CECR2: variants seen among roughly 807,000 people sequenced by gnomAD.
CECR2 encodes the protein CECR2 histone acetyl-lysine reader, also known as chromatin remodeling regulator CECR2.
In CECR2, 30 loss-of-function variants were observed where a neutral mutation model predicts 154.5. The ratio of observed to expected loss-of-function variants is 0.19; its 90% CI spans 0.15 to 0.26. The LOEUF (loss-of-function observed/expected upper bound fraction) is 0.26. Among genes scored for constraint, CECR2 ranks in the 10% least tolerant of loss-of-function variants. The pLI, the probability that CECR2 is intolerant of heterozygous loss-of-function variation, is 1.00. For synonymous variants in CECR2, 725 were observed against 683.7 expected, an observed-to-expected ratio of 1.06 and a Z score of -0.94; for missense variants, 1,743 against 1,829.3, an observed-to-expected ratio of 0.95 and a Z score of 0.86.
At chr22:17,543,453 T>A (rs1372865728) in intron 16 of CECR2, among the ~76,000 whole-genome samples, 1 of 152,026 alleles carries the variant, frequency 6.6e-6, no homozygotes, top group Non-Finnish European at 1.5e-5. Context: ...TTCTTGAACT[T>A]CTCAGATTTG....
At chr22:17,422,969 C>T (rs1322216501) in intron 1 of CECR2, among the ~76,000 whole-genome samples, 2 of 152,170 alleles carry the variant, frequency 1.3e-5, no homozygotes, top group African/African-American at 2.4e-5. Context: ...TTTCAATTTC[C>T]TGCCTCATAA....
intron 1 of CECR2, among the ~76,000 whole-genome samples, chr22:17,429,215 G>A (rs1242996224): frequency 6.6e-6 from 1 of 152,110 alleles, no homozygotes; most frequent in Middle Eastern, 3.4e-3. Context: ...ACAGTGATTG[G>A]TACAAAGAAG....
At chr22:17,508,673 C>T (rs1023227244) in intron 7 of CECR2, among the ~76,000 whole-genome samples, 5 of 152,068 alleles carry the variant, frequency 3.3e-5, no homozygotes, top group Admixed American at 6.6e-5. Flanking sequence ...CTAGGACCCT[C>T]AGGCTGTACC....
chr22:17,457,056 C>T lies in CECR2; in HGVS notation c.127-20532C>T, dbSNP rs575675682. Among the ~76,000 whole-genome samples the T allele has an allele frequency of 1.5e-3, 224 of 152,332 alleles. 1 individual carries two copies. The Middle Eastern group carries it at 0.02, about 14-fold the overall frequency. On this transcript the variant is annotated intron_variant, in intron 1 of 18. Coordinates refer to ENST00000262608, the MANE Select transcript of CECR2 (RefSeq NM_001290047.2). ...TTTGTTTGTTTGAGACAGAATTTCT[C>T]GCTCTTGTTGCCCAGGCTGGAGTGC...
At chr22:17,414,979 G>C in intron 1 of CECR2, among the ~76,000 whole-genome samples, 1 of 152,156 alleles carries the variant, frequency 6.6e-6, no homozygotes, top group East Asian at 1.9e-4. Flanking sequence ...ATCAATTTTA[G>C]ACAGTGTAAA....
At chr22:17,551,138 A>T (rs2056702150) in intron 17 of CECR2, among the ~76,000 whole-genome samples, 1 of 152,200 alleles carries the variant, frequency 6.6e-6, no homozygotes, top group Admixed American at 6.5e-5. Context: ...GTTGGAAAGT[A>T]AATTGTAGAC....
intron 1 of CECR2, among the ~76,000 whole-genome samples, chr22:17,401,594 C>T (rs762459375): frequency 4.6e-5 from 7 of 151,968 alleles, no homozygotes; most frequent in African/African-American, 1.2e-4. Context: ...TGTTCCTGTT[C>T]GTTCTACTCA....
chr22:17,498,733 T>C (rs2055678903), intron 3 of CECR2, among the ~76,000 whole-genome samples: 1 of 151,726 alleles, frequency 6.6e-6, no homozygotes, highest in Admixed American at 6.6e-5. Context: ...GCCCCGTGCC[T>C]GATCCACCCG....
At chr22:17,405,636 T>G (rs2053971871) in intron 1 of CECR2, among the ~76,000 whole-genome samples, 1 of 102,394 alleles carries the variant, frequency 9.8e-6, no homozygotes, top group African/African-American at 3.9e-5. Context: ...TGAGACTCCA[T>G]CTCAAAAAAA....
At chr22:17,537,802 G>A (rs2056460052) in intron 10 of CECR2, among the ~76,000 whole-genome samples, 1 of 152,110 alleles carries the variant, frequency 6.6e-6, no homozygotes, top group East Asian at 1.9e-4. Flanking sequence ...AGACCAGCCT[G>A]GCCAATATGG....
At chr22:17,546,164 C>T (rs1294597787) in intron 16 of CECR2, among the ~76,000 whole-genome samples, 2 of 152,158 alleles carry the variant, frequency 1.3e-5, no homozygotes, top group Non-Finnish European at 2.9e-5. Context: ...ATATTGATTT[C>T]AAGTGAGTTC....
chr22:17,549,675 T>G, intron 17 of CECR2, 111 bp downstream of exon 17: 1 of 961,292 alleles, frequency 1.0e-6, no homozygotes, highest in Non-Finnish European at 1.5e-6. Flanking sequence ...TGCAGTGGTG[T>G]GATCATGGCT....
chr22:17,463,089 A>G (rs1569098092), intron 1 of CECR2, among the ~76,000 whole-genome samples: 1 of 152,218 alleles, frequency 6.6e-6, no homozygotes, highest in Admixed American at 6.5e-5. Flanking sequence ...TAGAGGGACG[A>G]GACAGTGACT....
intron 1 of CECR2, among the ~76,000 whole-genome samples, chr22:17,426,383 G>A (rs2054330739): frequency 1.3e-5 from 2 of 151,806 alleles, no homozygotes; most frequent in Non-Finnish European, 2.9e-5. Context: ...CCTGAGACGA[G>A]TCTCTCTCTG....
At position 17,500,708 on chromosome 22, in the gene CECR2, A is replaced by G; in HGVS notation, c.623A>G (p.Lys208Arg). ...AGAAGAGGAAGACCCCCAAAACGGA[A>G]GAAACTGCAGGAGGAGATTCTGTTG... is the stretch of plus-strand genomic sequence containing the variant. ...GKRRGRPPKR[K>R]KLQEEILLSE... The change falls in exon 5 of 19, where the codon AAG becomes AGG. Residue 208 changes from lysine to arginine, a missense_variant. Coordinates refer to ENST00000262608, the MANE Select transcript of CECR2 (RefSeq NM_001290047.2). The G allele has an allele frequency of 6.4e-7, 1 of 1,555,420 alleles. No individual in the cohort carries two copies. The highest frequency in any genetic ancestry group is 8.7e-7 in the Non-Finnish European group (1 of 1,149,454).
At chr22:17,457,767 G>T (rs933032256) in intron 1 of CECR2, among the ~76,000 whole-genome samples, 1 of 152,170 alleles carries the variant, frequency 6.6e-6, no homozygotes, top group Non-Finnish European at 1.5e-5. Context: ...CCTTCAGTTG[G>T]TGAATGCTTA....
intron 16 of CECR2, among the ~76,000 whole-genome samples, chr22:17,543,262 G>T (rs1052997664): frequency 6.6e-6 from 1 of 151,788 alleles, no homozygotes; most frequent in African/African-American, 2.4e-5. Flanking sequence ...CCTCCCGAGT[G>T]TCTGGGACTA....
chr22:17,532,700 C>CTTTTTTTTTTTTTTTTTTT (rs695634), intron 9 of CECR2, among the ~76,000 whole-genome samples: 2 of 35,770 alleles, frequency 5.6e-5, no homozygotes, highest in Non-Finnish European at 9.3e-5. Context: ...CATTATTATT[C>CTTTTTTTTTTTTTTTTTTT]TTTTTTTTTT....
chr22:17,406,883 G>A (rs1164071745), intron 1 of CECR2, among the ~76,000 whole-genome samples: 1 of 152,114 alleles, frequency 6.6e-6, no homozygotes, highest in African/African-American at 2.4e-5. Context: ...ACCCTTTACT[G>A]CCTGGCATGC....
Sources: allele counts gnomAD v4.1 joint callset (sites outside exome capture counted in the v4.1 genomes callset), GRCh38; gene constraint gnomAD v4.1.1; transcripts MANE v1.5; gene names NCBI Gene and HGNC (gene_info 2026-07-23, HGNC 2026-07-21).